The following BRAT1 variants were observed in gnomAD, a reference collection of about 807,000 sequenced individuals.
BRAT1 encodes integrator complex assembly factor BRAT1.
Under a neutral mutation model 70.6 loss-of-function variants are expected in BRAT1, and 74 were observed. The ratio of observed to expected loss-of-function variants is 1.05; its 90% CI spans 0.87 to 1.27. BRAT1 has a LOEUF of 1.27. Among genes scored for constraint, BRAT1 ranks in the 50% most tolerant of loss-of-function variants. The probability of loss-of-function intolerance (pLI) is 0.00; values close to 1 mark genes in which losing one functional copy is unlikely to be tolerated. For synonymous variants in BRAT1, 615 were observed against 517.1 expected, an observed-to-expected ratio of 1.19 and a Z score of -2.57; for missense variants, 1,203 against 1,098.2, an observed-to-expected ratio of 1.10 and a Z score of -1.35.
intron 13 of BRAT1, 133 bp from the exon 14 acceptor site, chr7:2,538,897 C>T: frequency 2.0e-6 from 3 of 1,484,802 alleles, no homozygotes; most frequent in East Asian, 2.5e-5. Context: ...TGACACCTTC[C>T]CATGCTGCGC....
rs566312526 is a variant in BRAT1, at chr7:2,544,880, G to A, written c.430+29C>T. 180 of 1,547,148 alleles carry A rather than the reference G, an allele frequency of 1.2e-4. 1 individual carries two copies. The South Asian group carries it at 2.0e-3, about 17-fold the overall frequency. On this transcript the variant is annotated intron_variant, in intron 4 of 13. Coordinates refer to ENST00000340611, the MANE Select transcript of BRAT1 (RefSeq NM_152743.4). Reference sequence around the variant, plus strand: ...CCCTGGGATCACACAGGCAGGATGAGGAATGGGGTGGGGTGTGGGCGCACT... The same window carrying A: ...CCCTGGGATCACACAGGCAGGATGAAGAATGGGGTGGGGTGTGGGCGCACT...
intron 9 of BRAT1, 22 bp downstream of exon 9, chr7:2,541,276 A>G: frequency 6.4e-7 from 1 of 1,551,378 alleles, no homozygotes; most frequent in Non-Finnish European, 8.7e-7. Flanking sequence ...CCCCACGCCA[A>G]AGCCGTACAG....
Position 2,542,140 on chromosome 7 carries a change from A to T in BRAT1, c.995T>A (p.Val332Asp). Residue 332 changes from valine to aspartate, a missense_variant, in exon 7 of 14, where the codon GTT becomes GAT. Val to Asp is a radical substitution (Grantham distance 152). Coordinates refer to ENST00000340611, the MANE Select transcript of BRAT1 (RefSeq NM_152743.4). ...CACACCTGGGGGTCCGGGGGCCTGA[A>T]CCGTGGCCTTCAGGACACAGGCCAG... ...QPLACVLKAT[V>D]QAPGPPGLLD... The T allele has an allele frequency of 6.4e-7, 1 of 1,565,436 alleles. No homozygotes were observed. Among genetic ancestry groups the T allele is most frequent in the Non-Finnish European group, 8.7e-7 (1 of 1,155,754 alleles).
intron 7 of BRAT1, 120 bp downstream of exon 7, chr7:2,542,000 G>A: frequency 3.3e-6 from 4 of 1,206,404 alleles, no homozygotes; most frequent in Admixed American, 2.6e-5. Context: ...GCTCTTGGAG[G>A]GAGGCCTGGG....
chr7:2,545,015 G>C lies in BRAT1; in HGVS notation c.324C>G (p.Pro108=). 1.9e-6 allele frequency: 3 copies of C among 1,542,692 alleles called. No individual in the cohort carries two copies. Among genetic ancestry groups the C allele is most frequent in the Non-Finnish European group, 2.6e-6 (3 of 1,143,428 alleles). The part of the protein sequence containing the change: ...LLPGLFGEPG[P]LGRATWAVPT... ...GGACGGCCCAGGTTGCTCGGCCGAG[G>C]GGTCCTGGCTCCCCAAAGAGCCCTG... The change falls in exon 4 of 14, where the codon CCC becomes CCG. Residue 108 remains proline (P), a synonymous_variant. Coordinates refer to ENST00000340611, the MANE Select transcript of BRAT1 (RefSeq NM_152743.4).
At chr7:2,553,386 T>C (rs1220977942) in intron 2 of BRAT1, among the ~76,000 whole-genome samples, 1 of 151,876 alleles carries the variant, frequency 6.6e-6, no homozygotes, top group Non-Finnish European at 1.5e-5. Context: ...GACAGTGGAG[T>C]GATTCAATTA....
In BRAT1 at chr7:2,545,049, TC is replaced by T; in HGVS notation, c.289del (p.Glu97SerfsTer122). The stretch of plus-strand genomic sequence containing the variant: ...CTCCCCAAAGAGCCCTGGTAGTAAC[TC>T]CCCCTGCTGGGAAGCAAAAAAAGAA... ...ENCFQYLQQG[E>X]LLPGLFGEPG... On this transcript the variant is annotated frameshift_variant, in exon 4 of 14. Transcript: ENST00000340611. LOFTEE classifies it high-confidence loss of function. 6.7e-7 allele frequency: 1 copy of T among 1,494,342 alleles called. No individual in the cohort carries two copies. The highest frequency in any genetic ancestry group is 8.9e-7 in the Non-Finnish European group (1 of 1,120,166). The allele number at this position is 1,494,342 out of a possible 1,614,324, so 92.6% of individuals were successfully genotyped here. A position where few individuals can be genotyped will look rare whatever the true frequency, so the allele number is the denominator to read the frequency against.
rs972994240 is a variant in BRAT1 at position 2,540,617 on chromosome 7, C to T, written c.1395+362G>A. 7 of 222,402 alleles carry T rather than the reference C, an allele frequency of 3.1e-5. No individual in the cohort carries two copies. The East Asian group carries it at 3.7e-4, about 12-fold the overall frequency. 13.8% of individuals were successfully genotyped at this position (222,402 alleles called of 1,614,324 possible). A position where few individuals can be genotyped will look rare whatever the true frequency, so the allele number is the denominator to read the frequency against. ...GTCTGTACCTGCCAGGGCCCAGCTC[C>T]GTGAGGGGCTGTGGAGTAGGCACAT... On this transcript the variant is annotated intron_variant, in intron 10 of 13. Coordinates refer to ENST00000340611, the MANE Select transcript of BRAT1 (RefSeq NM_152743.4).
chr7:2,551,974 T>C (rs553607765), intron 2 of BRAT1, among the ~76,000 whole-genome samples: 28 of 147,276 alleles, frequency 1.9e-4, no homozygotes, highest in Middle Eastern at 3.4e-3. Context: ...AAAAAAATTA[T>C]AATGAAAAGC....
chr7:2,544,066 A>C, intron 4 of BRAT1, 104 bp from the exon 5 acceptor site: 1 of 988,234 alleles, frequency 1.0e-6, no homozygotes, highest in Non-Finnish European at 1.4e-6. Flanking sequence ...GGGCCCCCCA[A>C]GATGCCCCCA....
chr7:2,538,247 G>A lies in BRAT1; in HGVS notation c.2288C>T (p.Pro763Leu). The change falls in exon 14 of 14, where the codon CCC becomes CTC. Residue 763 changes from proline to leucine, a missense_variant. Pro to Leu is a moderately conservative substitution (Grantham distance 98). Transcript: ENST00000340611. ...PRWRAGEQAQ[P>L]PGDQEPEAVL... ...AGCCTCAGGCTCCTGGTCCCCTGGGGGCTGGGCCTGCTCACCCGCCCGCCA... is the reference window on the plus strand; with the variant it reads ...AGCCTCAGGCTCCTGGTCCCCTGGGAGCTGGGCCTGCTCACCCGCCCGCCA... 1.2e-6 allele frequency: 2 copies of A among 1,610,506 alleles called. No homozygotes were observed. Among genetic ancestry groups the A allele is most frequent in the Admixed American group, 1.7e-5 (1 of 59,928 alleles).
At position 2,546,669 on chromosome 7, in the gene BRAT1, A is replaced by G. The variant is rs181692157; in HGVS notation, c.282+655T>C. On this transcript the variant is annotated intron_variant, in intron 3 of 13. Transcript: ENST00000340611. ...AGAATCGCTTGAACCTGGGAGGTGG[A>G]GACTGCAGTTAGCTGAGTTCGAACC... Among the ~76,000 whole-genome samples the G allele has an allele frequency of 8.2e-3, 1,247 of 151,188 alleles. 24 individuals are homozygous for G. The highest frequency in any genetic ancestry group is 0.029 in the African/African-American group (1,184 of 41,050).
At position 2,539,583 on chromosome 7, in the gene BRAT1, C is replaced by A; in HGVS notation, c.1558G>T (p.Ala520Ser). ...CHPCWEVRDSALEFLTQLSRH... is the reference protein window; with the variant it reads ...CHPCWEVRDSSLEFLTQLSRH... ...CTCAGCTGGGTCAGGAACTCGAGGG[C>A]GGAGTCCCTCACCTCCCAGCAGGGG... The change falls in exon 12 of 14, where the codon GCC becomes TCC. Residue 520 changes from alanine (A) to serine (S), a missense_variant. By Grantham distance (99) the Ala-to-Ser change is moderately conservative. Coordinates refer to ENST00000340611, the MANE Select transcript of BRAT1 (RefSeq NM_152743.4). The A allele has an allele frequency of 6.3e-7, 1 of 1,585,854 alleles. No individual in the cohort carries two copies. Among genetic ancestry groups the A allele is most frequent in the Admixed American group, 1.8e-5 (1 of 56,644 alleles).
In BRAT1 at chr7:2,541,090, C is replaced by G. The variant is rs777666399; in HGVS notation, c.1322-38G>C. ...TGAGTGGATAAACCACCCCCACCCC[C>G]ACCCTAGGACCCTCCCCATCAACTC... On this transcript the variant is annotated intron_variant, in intron 9 of 13. Coordinates refer to ENST00000340611, the MANE Select transcript of BRAT1 (RefSeq NM_152743.4). 6.0e-6 allele frequency: 9 copies of G among 1,498,274 alleles called. No homozygotes were observed. In the Admixed American group the frequency reaches 1.7e-4, roughly 28 times the overall value. 92.8% of individuals were successfully genotyped at this position (1,498,274 alleles called of 1,614,324 possible).
chr7:2,547,904 G>A (rs954801812), intron 2 of BRAT1, among the ~76,000 whole-genome samples: 2 of 152,132 alleles, frequency 1.3e-5, no homozygotes, highest in East Asian at 1.9e-4. Context: ...CCAACATGGC[G>A]AAGTCCCATC....
intron 2 of BRAT1, among the ~76,000 whole-genome samples, chr7:2,548,041 G>C (rs942202883): frequency 6.7e-6 from 1 of 148,390 alleles, no homozygotes; most frequent in Admixed American, 6.9e-5. Context: ...CCAAGACCAC[G>C]TCATTGCACA....
intron 1 of BRAT1, among the ~76,000 whole-genome samples, 171 bp downstream of exon 1, chr7:2,555,316 G>A (rs998801337): frequency 6.6e-6 from 1 of 152,164 alleles, no homozygotes; most frequent in Admixed American, 6.5e-5. Context: ...AGGCCCGAGA[G>A]TCCAGAAGGG....
rs1778828039 is a variant in BRAT1, at chr7:2,538,172, AGC to A, written c.2361_2362del (p.Leu788GlyfsTer90). ...TTCCACGTGGTCGCTGCTCTCGGCC[AGC>A]GTGCTCCGCAGGCCCTCCAGGTCTA... On this transcript the variant is annotated frameshift_variant, in exon 14 of 14. Transcript: ENST00000340611. LOFTEE classifies it high-confidence loss of function. 1 of 1,609,040 alleles carries A rather than the reference AGC, an allele frequency of 6.2e-7. No homozygotes were observed. The highest frequency in any genetic ancestry group is 1.3e-5 in the African/African-American group (1 of 74,884).
chr7:2,547,334 T>C lies in BRAT1; in HGVS notation c.272A>G (p.Gln91Arg). Reference protein sequence around the residue: ...GTFAAQENCFQYLQQGELLPG... With the variant: ...GTFAAQENCFRYLQQGELLPG... Reference sequence around the variant, plus strand: ...AGGCCCCAGGCTCACCTGAAGATACTGGAAGCAGTTTTCCTGGGCTGCGAA... The same window carrying C: ...AGGCCCCAGGCTCACCTGAAGATACCGGAAGCAGTTTTCCTGGGCTGCGAA... The change falls in exon 3 of 14, where the codon CAG becomes CGG. Residue 91 changes from glutamine (Q) to arginine (R), a missense_variant. Gln to Arg is a conservative substitution (Grantham distance 43). Transcript: ENST00000340611. 1.2e-6 allele frequency: 2 copies of C among 1,614,096 alleles called. No homozygotes were observed. Among genetic ancestry groups the C allele is most frequent in the Non-Finnish European group, 1.7e-6 (2 of 1,180,004 alleles).
Sources: allele counts gnomAD v4.1 joint callset (sites outside exome capture counted in the v4.1 genomes callset), GRCh38; gene constraint gnomAD v4.1.1; transcripts MANE v1.5; gene names NCBI Gene and HGNC (gene_info 2026-07-23, HGNC 2026-07-21).